The following PPARG variants were observed in gnomAD, a reference collection of about 807,000 sequenced individuals.
PPARG encodes peroxisome proliferator activated receptor gamma.
A neutral mutation model predicts 39.2 loss-of-function variants in PPARG; 17 were observed. The ratio of observed to expected loss-of-function variants is 0.43; its 90% CI spans 0.30 to 0.65. The LOEUF (loss-of-function observed/expected upper bound fraction) is 0.65, where lower values mean the gene tolerates loss of function less well. PPARG is among the 30% of genes least tolerant of loss of function. The pLI is 0.13. For synonymous variants in PPARG, 223 were observed against 215.7 expected, an observed-to-expected ratio of 1.03 and a Z score of -0.30; for missense variants, 406 against 585.9, an observed-to-expected ratio of 0.69 and a Z score of 3.17.
chr3:12,365,135 C>T lies in PPARG; in HGVS notation c.-8-14569C>T, dbSNP rs1375389321. Among the ~76,000 whole-genome samples, 22 of 152,156 alleles carry T rather than the reference C, an allele frequency of 1.4e-4. 1 individual carries two copies. The highest frequency in any genetic ancestry group is 1.4e-3 in the Admixed American group (22 of 15,270). Reference sequence around the variant, plus strand: ...ACAGTTCACAATAGGGTTTGTGGTCCTATGAGAATCTAATGCAGCCACTGA... The same window carrying T: ...ACAGTTCACAATAGGGTTTGTGGTCTTATGAGAATCTAATGCAGCCACTGA... On this transcript the variant is annotated intron_variant, in intron 2 of 7. Transcript: ENST00000651735.
intron 5 of PPARG, among the ~76,000 whole-genome samples, chr3:12,401,526 G>C (rs2050470984): frequency 6.6e-6 from 1 of 151,662 alleles, no homozygotes; most frequent in Admixed American, 6.6e-5. Context: ...AGGTAGATAG[G>C]TACAATTATG....
chr3:12,384,143 A>G (rs1240998209), intron 4 of PPARG, among the ~76,000 whole-genome samples: 1 of 152,172 alleles, frequency 6.6e-6, no homozygotes, highest in Admixed American at 6.6e-5. Flanking sequence ...TAAGAATAAG[A>G]AAAATATTAT....
At chr3:12,416,140 A>T (rs565408024) in intron 6 of PPARG, among the ~76,000 whole-genome samples, 14 of 152,204 alleles carry the variant, frequency 9.2e-5, no homozygotes, top group Non-Finnish European at 1.9e-4. Flanking sequence ...GCCCTTTGGG[A>T]GGCCAAGGCA....
chr3:12,328,023 C>T lies in PPARG; in HGVS notation c.-9+15570C>T, dbSNP rs2047741916. The T allele has an allele frequency of 2.5e-6, 3 of 1,203,946 alleles. No homozygotes were observed. In the South Asian group the frequency reaches 3.6e-5, roughly 15 times the overall value. The allele number at this position is 1,203,946 out of a possible 1,614,324, so 74.6% of individuals were successfully genotyped here. A position where few individuals can be genotyped will look rare whatever the true frequency, so the allele number is the denominator to read the frequency against. ...ACTGTATAGTGATTGAACAGCTAAA[C>T]AGAACGAAAAAGCATGCACATCTTA... On this transcript the variant is annotated intron_variant, in intron 2 of 7. Transcript: ENST00000651735.
chr3:12,380,962 A>G (rs1255539070), intron 3 of PPARG, among the ~76,000 whole-genome samples: 1 of 152,216 alleles, frequency 6.6e-6, no homozygotes, highest in East Asian at 1.9e-4. Context: ...GTATAATTTA[A>G]TATTGTGATG....
chr3:12,373,521 A>T (rs1318944932), intron 2 of PPARG, among the ~76,000 whole-genome samples: 1 of 152,216 alleles, frequency 6.6e-6, no homozygotes, highest in Non-Finnish European at 1.5e-5. Flanking sequence ...GTTGAAGATT[A>T]ACATTTTTTG....
chr3:12,353,327 G>A (rs1669300607), intron 2 of PPARG, among the ~76,000 whole-genome samples: 1 of 152,108 alleles, frequency 6.6e-6, no homozygotes, highest in African/African-American at 2.4e-5. Flanking sequence ...CTGTTTCTCT[G>A]TTAAAAATGT....
At chr3:12,372,103 G>T in intron 2 of PPARG, 1 of 721,528 alleles carries the variant, frequency 1.4e-6, no homozygotes, top group Admixed American at 2.0e-5. Context: ...CCTATGAAAG[G>T]CTTTTCAGGC....
intron 2 of PPARG, among the ~76,000 whole-genome samples, chr3:12,359,674 CTTTTTTT>C (rs71628752): frequency 7.7e-6 from 1 of 129,850 alleles, no homozygotes. Context: ...TCTTTTATTT[CTTTTTTT>C]TTTTTTTTTT....
intron 7 of PPARG, among the ~76,000 whole-genome samples, chr3:12,427,159 G>A (rs1329738764): frequency 2.7e-5 from 3 of 111,570 alleles, no homozygotes; most frequent in South Asian, 2.4e-4. Context: ...TTTTCCTATC[G>A]GTAGGATGGT....
intron 7 of PPARG, among the ~76,000 whole-genome samples, chr3:12,420,091 G>A (rs1268909500): frequency 6.6e-6 from 1 of 152,174 alleles, no homozygotes; most frequent in Non-Finnish European, 1.5e-5. Context: ...CATGTAGATA[G>A]ATACATACAT....
intron 4 of PPARG, 32 bp downstream of exon 4, chr3:12,381,523 T>G (rs768241093): frequency 1.9e-6 from 3 of 1,603,688 alleles, no homozygotes; most frequent in Middle Eastern, 1.7e-4. Flanking sequence ...AAAGAAATTG[T>G]TGAAACTTTA....
In PPARG at chr3:12,362,454, C is replaced by T. The variant is rs140525889; in HGVS notation, c.-8-17250C>T. ...GAATTGCCCTAATGCCAGAGGTGGACGTTGGAGTGAGCTAAGATAATGCCA... is the reference window on the plus strand; with the variant it reads ...GAATTGCCCTAATGCCAGAGGTGGATGTTGGAGTGAGCTAAGATAATGCCA... On this transcript the variant is annotated intron_variant, in intron 2 of 7. Transcript: ENST00000651735. Among the ~76,000 whole-genome samples the T allele has an allele frequency of 1.4e-4, 22 of 151,972 alleles. No homozygotes were observed. The East Asian group carries it at 4.1e-3, about 28-fold the overall frequency.
intron 5 of PPARG, chr3:12,399,417 T>C (rs1042578823): frequency 6.6e-6 from 3 of 456,296 alleles, no homozygotes; most frequent in African/African-American, 6.0e-5. Context: ...AAGTTGGTTT[T>C]TCTCCCTCAA....
Position 12,379,777 on chromosome 3 carries a change from A to G in PPARG, c.66A>G (p.Val22=). The G allele has an allele frequency of 1.9e-6, 3 of 1,614,050 alleles. No homozygotes were observed. The highest frequency in any genetic ancestry group is 2.5e-6 in the Non-Finnish European group (3 of 1,179,950). Residue 22 remains valine, a synonymous_variant, in exon 3 of 8, where the codon GTA becomes GTG. Transcript: ENST00000651735. Reference sequence around the variant, plus strand: ...GGATCAGCTCCGTGGATCTCTCCGTAATGGAAGACCACTCCCACTCCTTTG... The same window carrying G: ...GGATCAGCTCCGTGGATCTCTCCGTGATGGAAGACCACTCCCACTCCTTTG... ...NFGISSVDLS[V]MEDHSHSFDI...
intron 1 of PPARG, among the ~76,000 whole-genome samples, chr3:12,293,157 T>C (rs905572640): frequency 2.6e-5 from 4 of 152,230 alleles, no homozygotes; most frequent in Non-Finnish European, 1.5e-5. Context: ...GAATTTTTTT[T>C]CCTACTGCGA....
At chr3:12,366,785 G>A (rs901692085) in intron 2 of PPARG, among the ~76,000 whole-genome samples, 5 of 151,988 alleles carry the variant, frequency 3.3e-5, no homozygotes, top group South Asian at 2.1e-4. Flanking sequence ...ATACATTATC[G>A]GATTCAATTT....
At chr3:12,399,545 C>A (rs895338273) in intron 5 of PPARG, 2 of 304,904 alleles carry the variant, frequency 6.6e-6, no homozygotes, top group African/African-American at 2.3e-5. Flanking sequence ...CAAGATCACA[C>A]TACTGTGCTC....
At chr3:12,325,606 A>AAAAT (rs554070800) in intron 2 of PPARG, among the ~76,000 whole-genome samples, 102 of 151,846 alleles carry the variant, frequency 6.7e-4, no homozygotes, top group African/African-American at 2.2e-3. Context: ...GTCTCAAAAA[A>AAAAT]AAATAAATAA....
Sources: allele counts gnomAD v4.1 joint callset (sites outside exome capture counted in the v4.1 genomes callset), GRCh38; gene constraint gnomAD v4.1.1; transcripts MANE v1.5; gene names NCBI Gene and HGNC (gene_info 2026-07-23, HGNC 2026-07-21).